Variants in TPH1 observed in about 807,000 individuals in gnomAD.
TPH1 encodes tryptophan 5-hydroxylase 1.
In TPH1, 37 loss-of-function variants were observed where a neutral mutation model predicts 49.5. The observed-to-expected ratio is 0.75, with a 90% CI of 0.58 to 0.98. The LOEUF (loss-of-function observed/expected upper bound fraction) is 0.98. Ranked by LOEUF, TPH1 falls within the 50% of genes least tolerant of loss-of-function variation. TPH1 has a pLI of 0.00. For synonymous variants in TPH1, 160 were observed against 182.1 expected (o/e 0.88, Z 0.98); for missense variants, 487 against 523.6 (o/e 0.93, Z 0.68).
At chr11:18,023,839 CA>C in intron 9 of TPH1, 48 bp downstream of exon 9, 1 of 1,448,096 alleles carries the variant, frequency 6.9e-7, no homozygotes, top group Non-Finnish European at 9.7e-7. Context: ...CAGGTTTTAT[CA>C]ATTATGTTAG....
chr11:18,031,685 C>G (rs1485539500), intron 4 of TPH1, among the ~76,000 whole-genome samples: 1 of 152,112 alleles, frequency 6.6e-6, no homozygotes, highest in Non-Finnish European at 1.5e-5. Context: ...CTTAGTAGAT[C>G]AGTAAAACTG....
intron 4 of TPH1, among the ~76,000 whole-genome samples, chr11:18,030,585 T>C (rs980551939): frequency 6.6e-6 from 1 of 152,166 alleles, no homozygotes; most frequent in Non-Finnish European, 1.5e-5. Flanking sequence ...AAAACAGATA[T>C]GAACAAAGCA....
At chr11:18,033,217 C>T in intron 4 of TPH1, 57 bp downstream of exon 4, 2 of 1,330,650 alleles carry the variant, frequency 1.5e-6, no homozygotes, top group South Asian at 2.3e-5. Context: ...CGTGCCACTG[C>T]ACTCCAGTCT....
In TPH1 at chr11:18,023,983, A is replaced by G. The variant is rs537957303; in HGVS notation, c.931T>C (p.Cys311Arg). The stretch of plus-strand genomic sequence containing the variant: ...CCAAACTCCACAGTGAAAAAGTAGC[A>G]CTGCAAAAGAACATCAATATTATTC... ...SEEAVQKLAT[C>R]YFFTVEFGLC... The change falls in exon 9 of 11, where the codon TGC becomes CGC. Residue 311 changes from cysteine to arginine, a missense_variant and splice_region_variant. By Grantham distance (180) the Cys-to-Arg change is radical. Coordinates refer to ENST00000682019, the MANE Select transcript of TPH1 (RefSeq NM_004179.3). 7 of 1,605,254 alleles carry G rather than the reference A, an allele frequency of 4.4e-6. No individual in the cohort carries two copies. Among genetic ancestry groups the G allele is most frequent in the Non-Finnish European group, 5.1e-6 (6 of 1,172,562 alleles).
At chr11:18,034,810 T>C (rs1427342391) in intron 3 of TPH1, among the ~76,000 whole-genome samples, 1 of 152,190 alleles carries the variant, frequency 6.6e-6, no homozygotes, top group Non-Finnish European at 1.5e-5. Context: ...TTAACCTTTA[T>C]CTTTGCTACC....
At chr11:18,040,508 C>T (rs1564860123) in intron 2 of TPH1, 138 bp downstream of exon 2, 3 of 768,940 alleles carry the variant, frequency 3.9e-6, no homozygotes, top group Admixed American at 5.6e-5. Flanking sequence ...GCTGGAACTA[C>T]AGGAGTCCAC....
intron 1 of TPH1, among the ~76,000 whole-genome samples, chr11:18,045,951 T>A (rs1312379294): frequency 1.3e-5 from 2 of 152,192 alleles, no homozygotes; most frequent in Admixed American, 1.3e-4. Context: ...ATCTGGGGAC[T>A]CAAGAAATAT....
At position 18,038,040 on chromosome 11, in the gene TPH1, G is replaced by A. The variant is rs181930923; in HGVS notation, c.118-1898C>T. On this transcript the variant is annotated intron_variant, in intron 2 of 10. Transcript: ENST00000682019. Reference sequence around the variant, plus strand: ...AATAAAGACACTAAAGATTGACAGAGCCAAAAACCGGGACACAAATACATT... The same window carrying A: ...AATAAAGACACTAAAGATTGACAGAACCAAAAACCGGGACACAAATACATT... Among the ~76,000 whole-genome samples, 315 of 152,238 alleles carry A rather than the reference G, an allele frequency of 2.1e-3. 1 individual carries two copies. The highest frequency in any genetic ancestry group is 6.8e-3 in the Middle Eastern group (2 of 294).
chr11:18,028,626 C>T (rs1847952790), intron 6 of TPH1, among the ~76,000 whole-genome samples: 1 of 152,188 alleles, frequency 6.6e-6, no homozygotes, highest in South Asian at 2.1e-4. Flanking sequence ...TTCAAATCCC[C>T]TTATAATTCT....
chr11:18,021,087 G>A lies in TPH1; in HGVS notation c.1239C>T (p.Asp413=). Reference sequence around the variant, plus strand: ...TCATGGCACTGGTTATGCTCTTGGTGTCTTTCAGGATCTGAATACTCCGTG... The same window carrying A: ...TCATGGCACTGGTTATGCTCTTGGTATCTTTCAGGATCTGAATACTCCGTG... The part of the protein sequence containing the change: ...PYTRSIQILK[D]TKSITSAMNE... The change falls in exon 11 of 11, where the codon GAC becomes GAT. Residue 413 remains aspartate (D), a synonymous_variant. Transcript: ENST00000682019. 1 of 1,614,078 alleles carries A rather than the reference G, an allele frequency of 6.2e-7. No homozygotes were observed. Among genetic ancestry groups the A allele is most frequent in the Non-Finnish European group, 8.5e-7 (1 of 1,179,952 alleles).
chr11:18,045,992 C>T (rs1259503156), intron 1 of TPH1, among the ~76,000 whole-genome samples: 1 of 152,206 alleles, frequency 6.6e-6, no homozygotes, highest in East Asian at 1.9e-4. Context: ...GGTGAAATCT[C>T]ATGATGGCTA....
intron 1 of TPH1, among the ~76,000 whole-genome samples, chr11:18,046,008 T>G (rs1002925915): frequency 6.6e-6 from 1 of 151,866 alleles, no homozygotes; most frequent in African/African-American, 2.4e-5. Flanking sequence ...GGCTAAAGAG[T>G]CTGTTCCTGG....
chr11:18,041,927 C>A (rs923970704), intron 1 of TPH1, among the ~76,000 whole-genome samples: 1 of 152,176 alleles, frequency 6.6e-6, no homozygotes, highest in African/African-American at 2.4e-5. Flanking sequence ...AAAAACAAGA[C>A]AACTTGCCTC....
chr11:18,029,551 C>G lies in TPH1; in HGVS notation c.431G>C (p.Arg144Pro). The stretch of plus-strand genomic sequence containing the variant: ...AGCCAAGTCCGCAAAATACTTTCGA[C>G]GTTTACGGTAGACATTGTCTTTGAA... ...PGFKDNVYRKRRKYFADLAMN... is the reference protein window; with the variant it reads ...PGFKDNVYRKPRKYFADLAMN... Residue 144 changes from arginine to proline, a missense_variant, in exon 5 of 11, where the codon CGT (arginine) becomes CCT (proline). Coordinates refer to ENST00000682019, the MANE Select transcript of TPH1 (RefSeq NM_004179.3). 6.2e-7 allele frequency: 1 copy of G among 1,613,064 alleles called. No homozygotes were observed. Among genetic ancestry groups the G allele is most frequent in the African/African-American group, 1.3e-5 (1 of 74,986 alleles).
In TPH1 at chr11:18,039,798, C is replaced by A. The variant is rs112126775; in HGVS notation, c.117+848G>T. Among the ~76,000 whole-genome samples, 466 of 152,170 alleles carry A rather than the reference C, an allele frequency of 3.1e-3. 4 individuals carry two copies. Among genetic ancestry groups the A allele is most frequent in the African/African-American group, 0.011 (444 of 41,502 alleles). On this transcript the variant is annotated intron_variant, in intron 2 of 10. Transcript: ENST00000682019. The stretch of plus-strand genomic sequence containing the variant: ...ACATAGTAAGGACTCAATAAATATT[C>A]GTGTTCTGCCTGACTGATCCATATT...
At chr11:18,023,801 A>G in intron 9 of TPH1, 87 bp downstream of exon 9, 1 of 947,224 alleles carries the variant, frequency 1.1e-6, no homozygotes, top group Non-Finnish European at 1.7e-6. Context: ...TTCCATAGTA[A>G]GCTCTTGTTC....
At position 18,026,577 on chromosome 11, in the gene TPH1, C is replaced by G; in HGVS notation, c.716G>C (p.Arg239Thr). 1 of 1,613,984 alleles carries G rather than the reference C, an allele frequency of 6.2e-7. No individual in the cohort carries two copies. The highest frequency in any genetic ancestry group is 8.5e-7 in the Non-Finnish European group (1 of 1,179,972). ...IRPVAGYLSPRDFLSGLAFRV... is the reference protein window; with the variant it reads ...IRPVAGYLSPTDFLSGLAFRV... ...AAAGGCTAAACCTGATAAGAAATCT[C>G]TTGGTGATAAGTAACCAGCCACAGG... The change falls in exon 7 of 11, where the codon AGA (arginine) becomes ACA (threonine). Residue 239 changes from arginine (R) to threonine (T), a missense_variant. By Grantham distance (71) the Arg-to-Thr change is moderately conservative. Transcript: ENST00000682019.
chr11:18,032,975 C>G (rs1020700851), intron 4 of TPH1, among the ~76,000 whole-genome samples: 1 of 152,074 alleles, frequency 6.6e-6, no homozygotes, highest in Non-Finnish European at 1.5e-5. Context: ...AACATACTTA[C>G]TGGGTGATAG....
intron 3 of TPH1, among the ~76,000 whole-genome samples, chr11:18,035,403 T>C (rs72874066): frequency 7.3e-5 from 10 of 136,240 alleles, no homozygotes; most frequent in Admixed American, 3.1e-4. Flanking sequence ...TTTCTTTCTT[T>C]TTTCTTTCTT....
Sources: gnomAD v4.1 joint callset for allele counts (sites outside exome capture counted in the v4.1 genomes callset) on GRCh38, gnomAD v4.1.1 for gene constraint, MANE v1.5 for transcripts, NCBI Gene and HGNC (gene_info 2026-07-23, HGNC 2026-07-21) for gene names.